Variants in MS4A1 observed in about 807,000 individuals in gnomAD.
MS4A1 encodes the protein B-lymphocyte antigen CD20.
Under a neutral mutation model 26.5 loss-of-function variants are expected in MS4A1, and 16 were observed. That is an observed-to-expected ratio of 0.60 (90% CI 0.41 to 0.92). The LOEUF (loss-of-function observed/expected upper bound fraction) is 0.92, where lower values mean the gene tolerates loss of function less well. Ranked by LOEUF, MS4A1 falls within the 40% of genes least tolerant of loss-of-function variation. The probability of loss-of-function intolerance (pLI) is 0.00; values close to 1 mark genes in which losing one functional copy is unlikely to be tolerated. For missense variants in MS4A1, 350 were observed against 353.0 expected (o/e 0.99, Z 0.07); for synonymous variants, 128 against 117.6 (o/e 1.09, Z -0.57).
In MS4A1 at chr11:60,468,857, A is replaced by G. The variant is rs2086318680; in HGVS notation, c.*389A>G. On this transcript the variant is annotated 3_prime_UTR_variant, in exon 8 of 8. Coordinates refer to ENST00000345732, the MANE Select transcript of MS4A1 (RefSeq NM_152866.3). ...ATATGACTGCTTCATGACATTCCTA[A>G]ACTATCTTTTTTTTATTCCACATCT... The G allele has an allele frequency of 5.3e-6, 1 of 189,806 alleles. No individual in the cohort carries two copies. The highest frequency in any genetic ancestry group is 1.1e-5 in the Non-Finnish European group (1 of 90,862). The allele number at this position is 189,806 out of a possible 1,614,324, so 11.8% of individuals were successfully genotyped here.
At chr11:60,461,982 A>G (rs2086251701) in intron 2 of MS4A1, among the ~76,000 whole-genome samples, 2 of 152,244 alleles carry the variant, frequency 1.3e-5, no homozygotes. Flanking sequence ...AAGGACAAGG[A>G]CAAGTCCATT....
chr11:60,464,304 CA>C lies in MS4A1; in HGVS notation c.297del (p.Leu100SerfsTer18). On this transcript the variant is annotated frameshift_variant, in exon 5 of 8. Transcript: ENST00000345732. LOFTEE classifies it high-confidence loss of function. Reference protein sequence around the residue: ...WGGIMYIISGSLLAATEKNSR... With the variant: ...WGGIMYIISGXLLAATEKNSR... The stretch of plus-strand genomic sequence containing the variant: ...TTTTTACAGTATATTATTTCCGGAT[CA>C]CTCCTGGCAGCAACGGAGAAAAACT... The C allele has an allele frequency of 6.3e-7, 1 of 1,594,978 alleles. No homozygotes were observed. Among genetic ancestry groups the C allele is most frequent in the South Asian group, 1.1e-5 (1 of 90,766 alleles).
At chr11:60,467,170 T>TAA in intron 7 of MS4A1, 110 bp downstream of exon 7, 11 of 741,918 alleles carry the variant, frequency 1.5e-5, no homozygotes, top group Non-Finnish European at 1.9e-5. Context: ...GAGCTTGATT[T>TAA]AAAAAAAAAA....
At chr11:60,457,731 A>G (rs1358798453) in intron 1 of MS4A1, among the ~76,000 whole-genome samples, 2 of 152,184 alleles carry the variant, frequency 1.3e-5, no homozygotes, top group Non-Finnish European at 2.9e-5. Flanking sequence ...ACTTCACAGC[A>G]CAGTCCTCAA....
At chr11:60,462,107 C>T in intron 2 of MS4A1, 78 bp from the exon 3 acceptor site, 2 of 557,066 alleles carry the variant, frequency 3.6e-6, no homozygotes, top group South Asian at 3.5e-5. Flanking sequence ...ATGCCCCAAA[C>T]CCAGTTGTCA....
In MS4A1 at chr11:60,470,687, A is replaced by C. The variant is rs1217716911; in HGVS notation, c.*2219A>C. 1 of 152,018 alleles carries C rather than the reference A, an allele frequency of 6.6e-6. No homozygotes were observed. The highest frequency in any genetic ancestry group is 1.5e-5 in the Non-Finnish European group (1 of 67,874). The allele number at this position is 152,018 out of a possible 1,614,324, so 9.4% of individuals were successfully genotyped here. A position where few individuals can be genotyped will look rare whatever the true frequency, so the allele number is the denominator to read the frequency against. On this transcript the variant is annotated 3_prime_UTR_variant, in exon 8 of 8. Transcript: ENST00000345732. ...TTCTCTAGCCTTAGTTTTTCCTCCC[A>C]ATTTGCATTTTTGTAAAAATAATGT...
rs1190819313 is a variant in MS4A1, at chr11:60,466,106, G to A, written c.522G>A (p.Glu174=). 14 of 1,613,690 alleles carry A rather than the reference G, an allele frequency of 8.7e-6. No individual in the cohort carries two copies. Among genetic ancestry groups the A allele is most frequent in the African/African-American group, 1.3e-5 (1 of 74,914 alleles). Residue 174 remains glutamate (E), a synonymous_variant, in exon 6 of 8, where the codon GAG becomes GAA. Coordinates refer to ENST00000345732, the MANE Select transcript of MS4A1 (RefSeq NM_152866.3). ...IYNCEPANPS[E]KNSPSTQYCY... is the part of the protein sequence containing the mutation. ...ACTGTGAACCAGCTAATCCCTCTGA[G>A]AAAAACTCCCCATCTACCCAATACT...
intron 2 of MS4A1, 116 bp downstream of exon 2, chr11:60,461,276 G>A (rs2086245642): frequency 6.6e-6 from 1 of 151,720 alleles, no homozygotes; most frequent in Admixed American, 6.7e-5. Flanking sequence ...TCTAGGAGCT[G>A]ACATTTGAGC....
rs774707440 is a variant in MS4A1, at chr11:60,462,236, G to A, written c.-139G>A. ...TCCAAGGTCACTCGGAAGAGGCCAT[G>A]TCTACCCTCAATGACACTCATGGAG... is the stretch of plus-strand genomic sequence containing the variant. On this transcript the variant is annotated 5_prime_UTR_variant, in exon 3 of 8. It removes an upstream start codon present in the reference 5' UTR. Coordinates refer to ENST00000345732, the MANE Select transcript of MS4A1 (RefSeq NM_152866.3). The A allele has an allele frequency of 6.4e-6, 6 of 930,516 alleles. No homozygotes were observed. Among genetic ancestry groups the A allele is most frequent in the Admixed American group, 1.9e-5 (1 of 51,378 alleles). The allele number at this position is 930,516 out of a possible 1,614,324, so 57.6% of individuals were successfully genotyped here.
At chr11:60,462,677 C>T in intron 3 of MS4A1, 144 bp downstream of exon 3, 1 of 1,106,122 alleles carries the variant, frequency 9.0e-7, no homozygotes, top group Non-Finnish European at 1.3e-6. Context: ...CACAGTGGGC[C>T]AAATCAGGGG....
chr11:60,463,906 T>C, intron 4 of MS4A1: 1 of 396,678 alleles, frequency 2.5e-6, no homozygotes, highest in Non-Finnish European at 5.1e-6. Context: ...GTCATTTATG[T>C]CACTGTGAAC....
intron 5 of MS4A1, chr11:60,465,625 A>G: frequency 2.7e-6 from 1 of 367,266 alleles, no homozygotes; most frequent in South Asian, 3.3e-5. Flanking sequence ...GGATGGTGGC[A>G]GTGGCAGTGA....
In MS4A1 at chr11:60,470,305, G is replaced by A. The variant is rs1031065369; in HGVS notation, c.*1837G>A. ...AACTCCAGACGACTGAAATATATGA[G>A]AGAAGGAAAAGGACATAGTAGGAGC... On this transcript the variant is annotated 3_prime_UTR_variant, in exon 8 of 8. Transcript: ENST00000345732. The A allele has an allele frequency of 6.6e-6, 1 of 151,960 alleles. No individual in the cohort carries two copies. Among genetic ancestry groups the A allele is most frequent in the Non-Finnish European group, 1.5e-5 (1 of 67,886 alleles). The allele number at this position is 151,960 out of a possible 1,614,324, so 9.4% of individuals were successfully genotyped here.
chr11:60,464,985 C>T (rs2086279014), intron 5 of MS4A1, among the ~76,000 whole-genome samples: 1 of 152,150 alleles, frequency 6.6e-6, no homozygotes, highest in South Asian at 2.1e-4. Flanking sequence ...AAAATTCCTC[C>T]CCCAACACTG....
intron 7 of MS4A1, 36 bp downstream of exon 7, chr11:60,467,096 A>G: frequency 6.7e-7 from 1 of 1,500,994 alleles, no homozygotes; most frequent in Non-Finnish European, 9.3e-7. Flanking sequence ...ACCTCCCTCT[A>G]GAAAATCCAC....
intron 7 of MS4A1, 108 bp downstream of exon 7, chr11:60,467,168 T>C: frequency 1.1e-6 from 1 of 940,684 alleles, no homozygotes; most frequent in Non-Finnish European, 1.7e-6. Flanking sequence ...AGGAGCTTGA[T>C]TTAAAAAAAA....
At chr11:60,462,557 A>T in intron 3 of MS4A1, 24 bp downstream of exon 3, 2 of 1,614,014 alleles carry the variant, frequency 1.2e-6, no homozygotes, top group Non-Finnish European at 1.7e-6. Context: ...CTTCCATCCC[A>T]TGTCGTAGGG....
chr11:60,468,180 T>A, intron 7 of MS4A1, 70 bp from the exon 8 acceptor site: 4 of 1,290,546 alleles, frequency 3.1e-6, no homozygotes, highest in Middle Eastern at 4.8e-4. Flanking sequence ...TTGATAAATG[T>A]TTGTGGAGAT....
Position 60,461,052 on chromosome 11 carries a change from A to G in MS4A1, c.-279-20A>G, listed in dbSNP as rs528752108. The G allele has an allele frequency of 1.3e-5, 2 of 152,014 alleles. No homozygotes were observed. Among genetic ancestry groups the G allele is most frequent in the East Asian group, 1.9e-4 (1 of 5,170 alleles). The allele number at this position is 152,014 out of a possible 1,614,324, so 9.4% of individuals were successfully genotyped here. On this transcript the variant is annotated intron_variant, in intron 1 of 7. Coordinates refer to ENST00000345732, the MANE Select transcript of MS4A1 (RefSeq NM_152866.3). Reference sequence around the variant, plus strand: ...CAATAATATTTATTAAGAAGTAACTAAATCCAAAAATTATTTTAGATCCTG... The same window carrying G: ...CAATAATATTTATTAAGAAGTAACTGAATCCAAAAATTATTTTAGATCCTG...
Sources: gnomAD v4.1 joint callset for allele counts (sites outside exome capture counted in the v4.1 genomes callset) on GRCh38, gnomAD v4.1.1 for gene constraint, MANE v1.5 for transcripts, NCBI Gene and HGNC (gene_info 2026-07-23, HGNC 2026-07-21) for gene names.